Variants in BAHCC1 observed in about 807,000 individuals in gnomAD.
BAHCC1 encodes the protein BAH and coiled-coil domain-containing protein 1.
Under a neutral mutation model 88.2 loss-of-function variants are expected in BAHCC1, and 43 were observed. The observed-to-expected ratio is 0.49, with a 90% confidence interval of 0.38 to 0.63. The LOEUF is 0.63. BAHCC1 is among the 20% of genes least tolerant of loss of function. BAHCC1 has a pLI of 0.00. For synonymous variants in BAHCC1, 1,510 were observed against 745.5 expected, an observed-to-expected ratio of 2.03 and a Z score of -16.71; for missense variants, 3,023 against 1,654.8, an observed-to-expected ratio of 1.83 and a Z score of -14.34.
intron 11 of BAHCC1, among the ~76,000 whole-genome samples, chr17:81,448,360 C>T (rs10438819): frequency 0.6 from 90,598 of 151,948 alleles, 27,135 homozygotes; most frequent in Admixed American, 0.66. Flanking sequence ...CTGGGCTCTT[C>T]CGCCCACCCA....
chr17:81,428,270 C>T (rs36176526), intron 3 of BAHCC1, among the ~76,000 whole-genome samples: 4 of 152,370 alleles, frequency 2.6e-5, no homozygotes, highest in South Asian at 2.1e-4. Context: ...CCCACCCCGC[C>T]TCAGCCTTTT....
rs1555645696 is a variant in BAHCC1 at position 81,399,816 on chromosome 17, C to A, written c.77C>A (p.Ala26Asp). The change falls in exon 2 of 28, where the codon GCC (alanine) becomes GAC (aspartate). Residue 26 changes from alanine (A) to aspartate (D), a missense_variant. Transcript: ENST00000675386. The surrounding 1 kb of genome is among the most constrained non-coding windows in gnomAD (Gnocchi z 4.5). ...RGSLGHRSAA[A>D]AARLAPAGPA... ...AGCCTGGGCCACCGCAGCGCCGCTG[C>A]CGCCGCGCGTCTCGCCCCGGCTGGG... The A allele has an allele frequency of 7.6e-7, 1 of 1,320,882 alleles. No individual in the cohort carries two copies. The highest frequency in any genetic ancestry group is 9.6e-7 in the Non-Finnish European group (1 of 1,037,192). The allele number at this position is 1,320,882 out of a possible 1,614,324, so 81.8% of individuals were successfully genotyped here.
chr17:81,438,458 C>G lies in BAHCC1; in HGVS notation c.447C>G (p.Leu149=). ...HLDHHGNSNV[L]YGQHRFYGTQ... is the part of the protein sequence containing the mutation. ...ATCACCATGGAAACAGCAACGTTCTCTATGGGCAGCACCGTTTCTATGGAA... is the reference window on the plus strand; with the variant it reads ...ATCACCATGGAAACAGCAACGTTCTGTATGGGCAGCACCGTTTCTATGGAA... Residue 149 remains leucine (L), a synonymous_variant, in exon 4 of 28, where the codon CTC becomes CTG. Coordinates refer to ENST00000675386, the MANE Select transcript of BAHCC1 (RefSeq NM_001377448.1). 1.3e-6 allele frequency: 1 copy of G among 775,576 alleles called. No individual in the cohort carries two copies. Among genetic ancestry groups the G allele is most frequent in the Non-Finnish European group, 2.4e-6 (1 of 416,076 alleles). 48.0% of individuals were successfully genotyped at this position (775,576 alleles called of 1,614,324 possible). A position where few individuals can be genotyped will look rare whatever the true frequency, so the allele number is the denominator to read the frequency against.
chr17:81,405,288 G>C (rs1028714073), intron 2 of BAHCC1, among the ~76,000 whole-genome samples: 2 of 152,096 alleles, frequency 1.3e-5, no homozygotes, highest in South Asian at 4.1e-4. Flanking sequence ...CTGGTCTTGA[G>C]CTCCTGAGCT....
chr17:81,429,552 C>T (rs960908652), intron 3 of BAHCC1, among the ~76,000 whole-genome samples: 2 of 152,172 alleles, frequency 1.3e-5, no homozygotes, highest in South Asian at 4.1e-4. Context: ...TGCCAGCTGG[C>T]TCCCCGTGCG....
chr17:81,407,361 G>T lies in BAHCC1; in HGVS notation c.178+7444G>T, dbSNP rs78618282. ...GTAAGAAAGAAACCAGCCTGCTGGCGTCTTCAAGGGAAGTCGGGTCTCAGT... is the reference window on the plus strand; with the variant it reads ...GTAAGAAAGAAACCAGCCTGCTGGCTTCTTCAAGGGAAGTCGGGTCTCAGT... On this transcript the variant is annotated intron_variant, in intron 2 of 27. Transcript: ENST00000675386. The T allele has an allele frequency of 6.0e-4, 314 of 520,096 alleles. 1 individual carries two copies. Among genetic ancestry groups the T allele is most frequent in the African/African-American group, 5.7e-3 (298 of 52,102 alleles). 32.2% of individuals were successfully genotyped at this position (520,096 alleles called of 1,614,324 possible).
intron 2 of BAHCC1, among the ~76,000 whole-genome samples, chr17:81,410,926 A>G (rs2063941954): frequency 6.6e-6 from 1 of 152,062 alleles, no homozygotes; most frequent in African/African-American, 2.4e-5. Flanking sequence ...CGCTCATCAA[A>G]CACTCTGCTC....
At chr17:81,406,859 C>G (rs550834058) in intron 2 of BAHCC1, 1 of 456,196 alleles carries the variant, frequency 2.2e-6, no homozygotes, top group Non-Finnish European at 4.4e-6. Context: ...AGGCGTCCAG[C>G]GCCCAAGCTG....
rs192855419 is a variant in BAHCC1, at chr17:81,440,275, C to T, written c.482-1556C>T. On this transcript the variant is annotated intron_variant, in intron 4 of 27. Transcript: ENST00000675386. ...CGGGTCCCAACCCCAGAAACCCAAC[C>T]CCTCCACCAGCACAGGGGACTCCCT... Among the ~76,000 whole-genome samples the T allele has an allele frequency of 3.3e-5, 5 of 152,348 alleles. No homozygotes were observed. In the East Asian group the frequency reaches 7.7e-4, roughly 24 times the overall value.
chr17:81,458,045 G>A lies in BAHCC1; in HGVS notation c.5042-120G>A. On this transcript the variant is annotated intron_variant, in intron 17 of 27. Coordinates refer to ENST00000675386, the MANE Select transcript of BAHCC1 (RefSeq NM_001377448.1). Reference sequence around the variant, plus strand: ...AGGAGGGGGAGGGCAGAGGTTGCTGGGTAACCCGGGGGCGGGCAGGGGTTG... The same window carrying A: ...AGGAGGGGGAGGGCAGAGGTTGCTGAGTAACCCGGGGGCGGGCAGGGGTTG... 3 of 638,394 alleles carry A rather than the reference G, an allele frequency of 4.7e-6. No individual in the cohort carries two copies. In the South Asian group the frequency reaches 5.4e-5, roughly 12 times the overall value. 39.5% of individuals were successfully genotyped at this position (638,394 alleles called of 1,614,324 possible). A position where few individuals can be genotyped will look rare whatever the true frequency, so the allele number is the denominator to read the frequency against.
At position 81,412,793 on chromosome 17, in the gene BAHCC1, A is replaced by T. The variant is rs114478876; in HGVS notation, c.178+12876A>T. ...TAAAACAGCGAACATTGATTATTTC[A>T]CAGCTTCTGTGAGTCGGGAATCTGA... On this transcript the variant is annotated intron_variant, in intron 2 of 27. Coordinates refer to ENST00000675386, the MANE Select transcript of BAHCC1 (RefSeq NM_001377448.1). Among the ~76,000 whole-genome samples the T allele has an allele frequency of 4.6e-3, 704 of 152,322 alleles. 4 individuals carry two copies. The highest frequency in any genetic ancestry group is 0.016 in the African/African-American group (655 of 41,564).
intron 4 of BAHCC1, among the ~76,000 whole-genome samples, chr17:81,439,566 G>T (rs773504822): frequency 6.6e-6 from 1 of 152,024 alleles, no homozygotes; most frequent in Non-Finnish European, 1.5e-5. Flanking sequence ...GTGGGGAGGG[G>T]TGGACTGGGA....
In BAHCC1 at chr17:81,399,994, G is replaced by C; in HGVS notation, c.178+77G>C. The C allele has an allele frequency of 8.5e-7, 1 of 1,176,822 alleles. No individual in the cohort carries two copies. Among genetic ancestry groups the C allele is most frequent in the Non-Finnish European group, 1.1e-6 (1 of 927,360 alleles). 72.9% of individuals were successfully genotyped at this position (1,176,822 alleles called of 1,614,324 possible). ...AGGGCGCCCACCCCTCCGCTCCCGG[G>C]AGCAGAGAAGCTTTGGTTTCATTTC... On this transcript the variant is annotated intron_variant, in intron 2 of 27. Transcript: ENST00000675386. This position sits in a 1 kb window ranked among gnomAD's most constrained non-coding sequence, Gnocchi z 4.5.
At position 81,461,202 on chromosome 17, in the gene BAHCC1, C is replaced by A; in HGVS notation, c.6539C>A (p.Ala2180Asp). The A allele has an allele frequency of 1.4e-6, 1 of 732,998 alleles. No individual in the cohort carries two copies. The allele number at this position is 732,998 out of a possible 1,614,324, so 45.4% of individuals were successfully genotyped here. Residue 2180 changes from alanine (A) to aspartate (D), a missense_variant, in exon 26 of 28, where the codon GCC becomes GAC. Ala to Asp is a moderately radical substitution (Grantham distance 126, BLOSUM62 -2). Transcript: ENST00000675386. ...ACCGGGCCGGGCCTCCCCAGGGGAG[C>A]CCACAAGCTGCTGCGGGCTAAGAAG... The part of the protein sequence containing the change: ...GGTGPGLPRG[A>D]HKLLRAKKAE...
At chr17:81,420,251 G>C (rs1217300099) in intron 2 of BAHCC1, among the ~76,000 whole-genome samples, 2 of 152,218 alleles carry the variant, frequency 1.3e-5, no homozygotes, top group Non-Finnish European at 2.9e-5. Flanking sequence ...AGGCAGGCTA[G>C]TTCCCATCGG....
In BAHCC1 at chr17:81,465,925, G is replaced by C. The variant is rs2030682235; in HGVS notation, c.*2108G>C. ...CTTGAGGCTCGGGGATCAGAACGAT[G>C]TCAAGTGAAGAAAAATGCACGGGGG... On this transcript the variant is annotated 3_prime_UTR_variant, in exon 28 of 28. Coordinates refer to ENST00000675386, the MANE Select transcript of BAHCC1 (RefSeq NM_001377448.1). 1.3e-5 allele frequency: 2 copies of C among 152,558 alleles called. No homozygotes were observed. 9.5% of individuals were successfully genotyped at this position (152,558 alleles called of 1,614,324 possible). A position where few individuals can be genotyped will look rare whatever the true frequency, so the allele number is the denominator to read the frequency against.
intron 3 of BAHCC1, 119 bp downstream of exon 3, chr17:81,427,098 G>A (rs982630800): frequency 3.8e-5 from 15 of 398,312 alleles, no homozygotes; most frequent in South Asian, 1.3e-4. Flanking sequence ...GCCGGTGGAC[G>A]GTGACAAGCA....
In BAHCC1 at chr17:81,459,319, G is replaced by T. The variant is rs782446372; in HGVS notation, c.5787G>T (p.Leu1929=). The T allele has an allele frequency of 3.9e-6, 3 of 778,904 alleles. No homozygotes were observed. The South Asian group carries it at 4.0e-5, about 10-fold the overall frequency. The allele number at this position is 778,904 out of a possible 1,614,324, so 48.2% of individuals were successfully genotyped here. The change falls in exon 22 of 28, where the codon CTG becomes CTT. Residue 1929 remains leucine, a synonymous_variant. Coordinates refer to ENST00000675386, the MANE Select transcript of BAHCC1 (RefSeq NM_001377448.1). ...RQRIYSLEQL[L]QEAVLDVRPQ... ...GGATCTACTCACTGGAGCAGCTGCT[G>T]CAGGAAGCGGTGAGGACCGGGCCGG...
At position 81,461,801 on chromosome 17, in the gene BAHCC1, G is replaced by A. The variant is rs2030317249; in HGVS notation, c.7138G>A (p.Gly2380Ser). ...CCAGCCCGAGGCCCTGCGCTCCAAG[G>A]GCAGCGGCCCTCACGCGCATGCCCA... is the stretch of plus-strand genomic sequence containing the variant. The part of the protein sequence containing the change: ...LAQPEALRSK[G>S]SGPHAHAQRC... The change falls in exon 26 of 28, where the codon GGC becomes AGC. Residue 2380 changes from glycine to serine, a missense_variant. Coordinates refer to ENST00000675386, the MANE Select transcript of BAHCC1 (RefSeq NM_001377448.1). 4.2e-6 allele frequency: 3 copies of A among 716,408 alleles called. No individual in the cohort carries two copies. Among genetic ancestry groups the A allele is most frequent in the Non-Finnish European group, 7.8e-6 (3 of 384,294 alleles). The allele number at this position is 716,408 out of a possible 1,614,324, so 44.4% of individuals were successfully genotyped here.
Sources: allele counts gnomAD v4.1 joint callset (sites outside exome capture counted in the v4.1 genomes callset), GRCh38; gene constraint gnomAD v4.1.1; non-coding constraint Gnocchi (gnomAD v3.1); transcripts MANE v1.5; gene names NCBI Gene and HGNC (gene_info 2026-07-23, HGNC 2026-07-21).